Variants in TAFA2 observed in about 807,000 individuals in gnomAD.
TAFA2 encodes chemokine-like protein TAFA-2.
Under a neutral mutation model 18.8 loss-of-function variants are expected in TAFA2, and 7 were observed. That is an observed-to-expected ratio of 0.37 (90% CI 0.21 to 0.70). The LOEUF (loss-of-function observed/expected upper bound fraction) is 0.70. Ranked by LOEUF, TAFA2 falls within the 30% of genes least tolerant of loss-of-function variation. The pLI is 0.53. For synonymous variants in TAFA2, 60 were observed against 54.2 expected, an observed-to-expected ratio of 1.11 and a Z score of -0.47; for missense variants, 122 against 158.1, an observed-to-expected ratio of 0.77 and a Z score of 1.23.
At position 62,014,875 on chromosome 12, in the gene TAFA2, T is replaced by G. The variant is rs113554366; in HGVS notation, c.-1-147449A>C. 4.3e-3 allele frequency among the ~76,000 whole-genome samples: 657 copies of G among 152,202 alleles called. 3 individuals carry two copies. Among genetic ancestry groups the G allele is most frequent in the African/African-American group, 0.015 (620 of 41,538 alleles). ...CATAACTCCACAATGCTATGCCCAG[T>G]ACCTTCAATGATAGGACAGGCAACC... On this transcript the variant is annotated intron_variant, in intron 1 of 4. Transcript: ENST00000416284.
At chr12:62,100,921 G>A (rs1368736746) in intron 1 of TAFA2, among the ~76,000 whole-genome samples, 1 of 152,136 alleles carries the variant, frequency 6.6e-6, no homozygotes, top group Non-Finnish European at 1.5e-5. Flanking sequence ...AAGTTTAAGT[G>A]ATATAGGTAT....
intron 4 of TAFA2, among the ~76,000 whole-genome samples, chr12:61,716,640 C>T (rs1413936724): frequency 1.3e-5 from 2 of 152,008 alleles, no homozygotes; most frequent in Admixed American, 6.6e-5. Flanking sequence ...AACTATTAAA[C>T]AATATTTATA....
chr12:62,083,520 A>G (rs1868354840), intron 1 of TAFA2, among the ~76,000 whole-genome samples: 1 of 152,158 alleles, frequency 6.6e-6, no homozygotes, highest in Non-Finnish European at 1.5e-5. Flanking sequence ...CCTCTCCGCC[A>G]TGAAAGTAAA....
chr12:61,906,336 T>G (rs1005388661), intron 1 of TAFA2, among the ~76,000 whole-genome samples: 4 of 152,186 alleles, frequency 2.6e-5, no homozygotes, highest in African/African-American at 9.6e-5. Flanking sequence ...GTTCTCATGA[T>G]AGTGAATAAG....
At chr12:61,935,993 A>G (rs1203650597) in intron 1 of TAFA2, among the ~76,000 whole-genome samples, 3 of 152,158 alleles carry the variant, frequency 2.0e-5, no homozygotes, top group Admixed American at 6.5e-5. Context: ...AATCCTCCCT[A>G]AATCATTCTA....
chr12:61,993,867 A>T (rs1247545664), intron 1 of TAFA2, among the ~76,000 whole-genome samples: 1 of 152,104 alleles, frequency 6.6e-6, no homozygotes, highest in African/African-American at 2.4e-5. Flanking sequence ...CAGATGAAAG[A>T]TTCATGTTCC....
At chr12:62,221,137 CAAGGG>C (rs930427180) in intron 1 of TAFA2, among the ~76,000 whole-genome samples, 15 of 115,810 alleles carry the variant, frequency 1.3e-4, no homozygotes, top group African/African-American at 4.0e-4. Context: ...AAACAAAACA[CAAGGG>C]AAGGGAAGGG....
chr12:61,918,712 G>T (rs1876928326), intron 1 of TAFA2, among the ~76,000 whole-genome samples: 1 of 152,030 alleles, frequency 6.6e-6, no homozygotes, highest in Non-Finnish European at 1.5e-5. Context: ...TCTATTTTTA[G>T]TTTTTTTGAG....
intron 1 of TAFA2, among the ~76,000 whole-genome samples, chr12:61,997,744 T>G (rs1173142489): frequency 6.6e-6 from 1 of 151,524 alleles, no homozygotes; most frequent in Non-Finnish European, 1.5e-5. Context: ...TTCCAATGAC[T>G]TTACATGTTT....
chr12:61,963,234 T>C (rs751115942), intron 1 of TAFA2, among the ~76,000 whole-genome samples: 7 of 152,058 alleles, frequency 4.6e-5, no homozygotes, highest in East Asian at 1.9e-4. Context: ...TTTGGGTATA[T>C]ACCCAGTAAT....
At chr12:62,235,005 G>A (rs2062830156) in intron 1 of TAFA2, 2 of 650,672 alleles carry the variant, frequency 3.1e-6, no homozygotes, top group Admixed American at 1.8e-5. Context: ...CGAGAGGCCA[G>A]GGTAAGGCAT....
chr12:62,251,003 G>A (rs2062910865), intron 1 of TAFA2, among the ~76,000 whole-genome samples: 1 of 132,490 alleles, frequency 7.5e-6, no homozygotes, highest in Admixed American at 7.5e-5. Context: ...TAGGAAATAT[G>A]CGTATATTGT....
chr12:62,234,528 A>G, intron 1 of TAFA2: 1 of 935,954 alleles, frequency 1.1e-6, no homozygotes. Context: ...TATATGGTCA[A>G]TGTCTGGTGT....
chr12:62,238,969 A>G (rs2136988512), intron 1 of TAFA2, among the ~76,000 whole-genome samples: 1 of 152,364 alleles, frequency 6.6e-6, no homozygotes, highest in Admixed American at 6.5e-5. Context: ...TCTGATTCCA[A>G]GACGATTTAT....
intron 1 of TAFA2, among the ~76,000 whole-genome samples, chr12:62,245,256 T>G (rs2062879656): frequency 6.6e-6 from 1 of 152,156 alleles, no homozygotes; most frequent in Non-Finnish European, 1.5e-5. Context: ...CTCCATTGCT[T>G]TGTAATGGAA....
chr12:61,961,221 A>G (rs1292208290), intron 1 of TAFA2, among the ~76,000 whole-genome samples: 2 of 150,350 alleles, frequency 1.3e-5, no homozygotes, highest in African/African-American at 4.8e-5. Flanking sequence ...AGAAGAACAC[A>G]AGGGGGGAAA....
chr12:61,837,262 T>G (rs953383113), intron 2 of TAFA2, among the ~76,000 whole-genome samples: 49 of 152,002 alleles, frequency 3.2e-4, no homozygotes, highest in African/African-American at 1.1e-3. Flanking sequence ...TTTTCTTTTA[T>G]GCTCTTTCTC....
At chr12:62,217,761 G>C (rs1422424809) in intron 1 of TAFA2, among the ~76,000 whole-genome samples, 1 of 152,146 alleles carries the variant, frequency 6.6e-6, no homozygotes, top group Non-Finnish European at 1.5e-5. Context: ...CTCTCTCACA[G>C]ATATCGATCC....
intron 1 of TAFA2, among the ~76,000 whole-genome samples, chr12:62,010,319 G>C (rs1283121742): frequency 2.0e-5 from 3 of 152,086 alleles, no homozygotes; most frequent in Admixed American, 2.0e-4. Context: ...CGCCATGCCT[G>C]ACTGGTTTTT....
Sources: allele counts gnomAD v4.1 joint callset (sites outside exome capture counted in the v4.1 genomes callset), GRCh38; gene constraint gnomAD v4.1.1; transcripts MANE v1.5; gene names NCBI Gene and HGNC (gene_info 2026-07-23, HGNC 2026-07-21).